Variants in UBE2R2 observed in about 807,000 individuals in gnomAD.
The protein encoded by UBE2R2 is ubiquitin-conjugating enzyme E2 R2.
UBE2R2 carries 1 observed loss-of-function variant against 27.8 expected under a neutral mutation model. That is an observed-to-expected ratio of 0.04 (90% CI 0.01 to 0.17). The LOEUF (loss-of-function observed/expected upper bound fraction) is 0.17. Ranked by LOEUF, UBE2R2 falls within the 10% of genes least tolerant of loss-of-function variation. UBE2R2 has a pLI of 1.00. For synonymous variants in UBE2R2, 106 were observed against 113.3 expected (o/e 0.94, Z 0.41); for missense variants, 100 against 291.0 (o/e 0.34, Z 4.78).
In UBE2R2 at chr9:33,899,393, G is replaced by A. The variant is rs377136020; in HGVS notation, c.265-781G>A. On this transcript the variant is annotated intron_variant, in intron 2 of 4. Coordinates refer to ENST00000263228, the MANE Select transcript of UBE2R2 (RefSeq NM_017811.4). ...TTTTGTCTTTTGTTTTTGTTTTTTT[G>A]AGACGGAGTCTCCCTCTGTTGCCCA... Among the ~76,000 whole-genome samples the A allele has an allele frequency of 3.4e-4, 50 of 147,306 alleles. No individual in the cohort carries two copies. The East Asian group carries it at 8.0e-3, about 24-fold the overall frequency.
At chr9:33,854,947 A>G (rs1333042862) in intron 1 of UBE2R2, among the ~76,000 whole-genome samples, 1 of 151,966 alleles carries the variant, frequency 6.6e-6, no homozygotes, top group African/African-American at 2.4e-5. Flanking sequence ...CCTGGGCTCA[A>G]GTGATCCACC....
chr9:33,826,419 C>G (rs1820315918), intron 1 of UBE2R2, among the ~76,000 whole-genome samples: 1 of 152,096 alleles, frequency 6.6e-6, no homozygotes, highest in South Asian at 2.1e-4. Flanking sequence ...TGCAAAGTGG[C>G]TAGGAGTGGT....
In UBE2R2 at chr9:33,817,317, C is replaced by T. The variant is rs567714250; in HGVS notation, c.-441C>T. ...TCCTGCCCCGCGCGCCCTCCGGCCC[C>T]TGCGGCCCCCGAAGAGAACGAGAGG... On this transcript the variant is annotated 5_prime_UTR_variant, in exon 1 of 5. Transcript: ENST00000263228. Among the ~76,000 whole-genome samples, 2 of 150,698 alleles carry T rather than the reference C, an allele frequency of 1.3e-5. No homozygotes were observed. Among genetic ancestry groups the T allele is most frequent in the East Asian group, 4.0e-4 (2 of 5,042 alleles).
chr9:33,884,104 GCTGTAA>G (rs1489149328), intron 1 of UBE2R2, among the ~76,000 whole-genome samples: 3 of 151,726 alleles, frequency 2.0e-5, no homozygotes, highest in Non-Finnish European at 4.4e-5. Flanking sequence ...GTTGCAGTGA[GCTGTAA>G]CCCAGTGTAC....
intron 1 of UBE2R2, among the ~76,000 whole-genome samples, chr9:33,822,794 T>G (rs957639969): frequency 1.3e-5 from 2 of 152,008 alleles, no homozygotes; most frequent in African/African-American, 2.4e-5. Flanking sequence ...AATGAATGAA[T>G]CTATTTTCTG....
At chr9:33,882,433 C>A (rs77316559) in intron 1 of UBE2R2, among the ~76,000 whole-genome samples, 2 of 151,976 alleles carry the variant, frequency 1.3e-5, no homozygotes, top group African/African-American at 4.8e-5. Flanking sequence ...ATTACAGGCA[C>A]CTGCCACTGC....
At chr9:33,816,096 A>G (rs1825749360), upstream of UBE2R2, among the ~76,000 whole-genome samples, 2 of 152,190 alleles carry the variant, frequency 1.3e-5, no homozygotes, top group African/African-American at 2.4e-5. Flanking sequence ...ACCAAAAAAC[A>G]AAAAACTGAT....
At chr9:33,860,575 T>C (rs1396321191) in intron 1 of UBE2R2, among the ~76,000 whole-genome samples, 4 of 152,178 alleles carry the variant, frequency 2.6e-5, no homozygotes, top group Non-Finnish European at 4.4e-5. Context: ...AATTTTCTTC[T>C]TTCTAGGGGT....
intron 1 of UBE2R2, among the ~76,000 whole-genome samples, chr9:33,847,833 A>G (rs1013396523): frequency 1.4e-5 from 2 of 146,890 alleles, no homozygotes; most frequent in East Asian, 2.0e-4. Context: ...GCTCACTGCA[A>G]CTCTGCCTCC....
intron 1 of UBE2R2, among the ~76,000 whole-genome samples, chr9:33,868,076 G>A (rs1334003994): frequency 6.6e-6 from 1 of 152,190 alleles, no homozygotes; most frequent in Non-Finnish European, 1.5e-5. Context: ...GTGGCTCTCA[G>A]CGGAAAGGGA....
intron 1 of UBE2R2, among the ~76,000 whole-genome samples, chr9:33,829,640 T>G (rs1820401084): frequency 6.6e-6 from 1 of 152,176 alleles, no homozygotes; most frequent in Non-Finnish European, 1.5e-5. Context: ...GGTTTATGCT[T>G]TTAAAATAAT....
intron 1 of UBE2R2, among the ~76,000 whole-genome samples, chr9:33,826,719 AAAG>A (rs1820323493): frequency 6.6e-6 from 1 of 152,016 alleles, no homozygotes; most frequent in East Asian, 1.9e-4. Flanking sequence ...CTCCAAAAAA[AAAG>A]AAAAGTGAAT....
chr9:33,890,534 G>A (rs374490504), intron 2 of UBE2R2, among the ~76,000 whole-genome samples: 2 of 151,402 alleles, frequency 1.3e-5, no homozygotes, highest in South Asian at 2.1e-4. Flanking sequence ...AGCTAAGGCC[G>A]GGCTCGGTGG....
intron 1 of UBE2R2, among the ~76,000 whole-genome samples, chr9:33,866,830 G>A (rs568658336): frequency 6.6e-6 from 1 of 152,130 alleles, no homozygotes; most frequent in East Asian, 1.9e-4. Context: ...TTTATATACT[G>A]TGCATATTAA....
chr9:33,868,051 T>G (rs1356319568), intron 1 of UBE2R2, among the ~76,000 whole-genome samples: 1 of 152,116 alleles, frequency 6.6e-6, no homozygotes, highest in African/African-American at 2.4e-5. Flanking sequence ...TGCAGAAGAC[T>G]TTATTGAGCA....
Position 33,916,963 on chromosome 9 carries a change from ATC to A in UBE2R2, c.498-53_498-52del, listed in dbSNP as rs1056043893. 2.1e-5 allele frequency: 33 copies of A among 1,595,510 alleles called. 1 individual carries two copies. Among genetic ancestry groups the A allele is most frequent in the Middle Eastern group, 3.9e-4 (2 of 5,092 alleles). On this transcript the variant is annotated intron_variant, in intron 4 of 4. Transcript: ENST00000263228. ...ATTGATTATTTAAGGCCAATTATAA[ATC>A]TGTCTTAAAAAAAGACTTACCGTAA...
At chr9:33,896,705 T>C (rs1476533140) in intron 2 of UBE2R2, among the ~76,000 whole-genome samples, 1 of 151,658 alleles carries the variant, frequency 6.6e-6, no homozygotes, top group African/African-American at 2.4e-5. Flanking sequence ...GCCTTGGCCT[T>C]CCAAAGTCCT....
intron 1 of UBE2R2, among the ~76,000 whole-genome samples, chr9:33,836,133 G>A (rs1307081055): frequency 2.0e-5 from 3 of 152,034 alleles, no homozygotes; most frequent in Admixed American, 2.0e-4. Context: ...GTGAAACCCT[G>A]TCTCTACTAA....
At chr9:33,833,360 C>T (rs1416766853) in intron 1 of UBE2R2, among the ~76,000 whole-genome samples, 2 of 152,076 alleles carry the variant, frequency 1.3e-5, no homozygotes, top group Non-Finnish European at 2.9e-5. Flanking sequence ...CCACCGCGCC[C>T]GACTAATTTT....
Sources: gnomAD v4.1 joint callset for allele counts (sites outside exome capture counted in the v4.1 genomes callset) on GRCh38, gnomAD v4.1.1 for gene constraint, MANE v1.5 for transcripts, NCBI Gene and HGNC (gene_info 2026-07-23, HGNC 2026-07-21) for gene names.